Variants in PNPLA1 observed in about 807,000 individuals in gnomAD.
PNPLA1 encodes the protein patatin like domain 1, omega-hydroxyceramide transacylase, also known as omega-hydroxyceramide transacylase.
A neutral mutation model predicts 51.7 loss-of-function variants in PNPLA1; 36 were observed. The ratio of observed to expected loss-of-function variants is 0.70; its 90% CI spans 0.53 to 0.92. The LOEUF is 0.92. Ranked by LOEUF, PNPLA1 falls within the 40% of genes least tolerant of loss-of-function variation. PNPLA1 has a pLI of 0.00. For missense variants in PNPLA1, 658 were observed against 682.5 expected (o/e 0.96, Z 0.40); for synonymous variants, 293 against 280.1 (o/e 1.05, Z -0.46).
chr6:36,267,904 C>T (rs111993578), upstream of PNPLA1, among the ~76,000 whole-genome samples: 433 of 152,278 alleles, frequency 2.8e-3, no homozygotes, highest in African/African-American at 0.01. Context: ...CAGGAGGCAG[C>T]CCCACTCCTC....
chr6:36,283,432 CCT>C (rs1561860217), intron 1 of PNPLA1, among the ~76,000 whole-genome samples: 3 of 152,012 alleles, frequency 2.0e-5, no homozygotes, highest in African/African-American at 7.2e-5. Flanking sequence ...TTTTGGTTCC[CCT>C]GAGTTAGGAG....
intron 1 of PNPLA1, among the ~76,000 whole-genome samples, chr6:36,249,321 G>T (rs1769372921): frequency 6.6e-6 from 1 of 151,524 alleles, no homozygotes; most frequent in Non-Finnish European, 1.5e-5. Flanking sequence ...ATGAATAAAA[G>T]AGTTGGAACC....
chr6:36,291,305 C>T lies in PNPLA1; in HGVS notation c.206-15C>T. The T allele has an allele frequency of 1.2e-6, 2 of 1,610,772 alleles. No individual in the cohort carries two copies. The highest frequency in any genetic ancestry group is 1.7e-6 in the Non-Finnish European group (2 of 1,177,900). The stretch of plus-strand genomic sequence containing the variant: ...GGTGGCACCGACCACCCCCTCTTCT[C>T]TGCTTCCTTTGCAGATGAGTATCTC... On this transcript the variant is annotated splice_polypyrimidine_tract_variant and intron_variant, in intron 1 of 8. Coordinates refer to ENST00000636260, the MANE Select transcript of PNPLA1 (RefSeq NM_001374623.1).
intron 3 of PNPLA1, 64 bp downstream of exon 3, chr6:36,293,190 A>C (rs1254695108): frequency 2.7e-6 from 4 of 1,503,684 alleles, no homozygotes; most frequent in Non-Finnish European, 3.7e-6. Context: ...CCTGTGACTC[A>C]CACCTGGGGG....
At chr6:36,258,132 G>A (rs906870371) in intron 1 of PNPLA1, among the ~76,000 whole-genome samples, 3 of 152,166 alleles carry the variant, frequency 2.0e-5, no homozygotes, top group Non-Finnish European at 2.9e-5. Context: ...GCTGGGAGCT[G>A]AAATCTTAGT....
intron 1 of PNPLA1, among the ~76,000 whole-genome samples, chr6:36,277,260 G>A (rs934737099): frequency 2.0e-5 from 3 of 152,172 alleles, no homozygotes; most frequent in South Asian, 2.1e-4. Flanking sequence ...CCAGCTAGTC[G>A]GAAAGGGAAA....
At chr6:36,278,507 A>C (rs185207028) in intron 1 of PNPLA1, among the ~76,000 whole-genome samples, 2 of 152,290 alleles carry the variant, frequency 1.3e-5, no homozygotes, top group East Asian at 1.9e-4. Flanking sequence ...TTGGAGGCAG[A>C]CCTCACTTAA....
At chr6:36,269,524 G>A (rs184544490), upstream of PNPLA1, among the ~76,000 whole-genome samples, 40 of 152,252 alleles carry the variant, frequency 2.6e-4, 1 homozygote, top group East Asian at 5.4e-3. Flanking sequence ...ATTTCTGAGC[G>A]GGAAGAAGAA....
intron 1 of PNPLA1, among the ~76,000 whole-genome samples, chr6:36,280,313 A>G (rs1166643500): frequency 6.6e-6 from 1 of 152,266 alleles, no homozygotes; most frequent in East Asian, 1.9e-4. Context: ...TTTTGCAGGA[A>G]TTCTGTGTGG....
chr6:36,306,822 C>T (rs925929335), intron 7 of PNPLA1, among the ~76,000 whole-genome samples: 4 of 152,174 alleles, frequency 2.6e-5, no homozygotes, highest in African/African-American at 4.8e-5. Context: ...ATGATAATGA[C>T]CTGATAGTAC....
chr6:36,259,497 A>G (rs1769600178), intron 1 of PNPLA1, among the ~76,000 whole-genome samples: 1 of 152,152 alleles, frequency 6.6e-6, no homozygotes, highest in Non-Finnish European at 1.5e-5. Context: ...TTCACTGTAC[A>G]GTCCCTCTCC....
In PNPLA1 at chr6:36,294,454, G is replaced by T; in HGVS notation, c.714+55G>T. 2 of 1,535,356 alleles carry T rather than the reference G, an allele frequency of 1.3e-6. No homozygotes were observed. Among genetic ancestry groups the T allele is most frequent in the Non-Finnish European group, 1.8e-6 (2 of 1,117,228 alleles). ...CAGAAGGTACCAGGGACTAGGGGTG[G>T]GGTTAGAGAGCCACTGGGGCCCACT... On this transcript the variant is annotated intron_variant, in intron 4 of 8. Transcript: ENST00000636260. This position sits in a 1 kb window ranked among gnomAD's most constrained non-coding sequence, Gnocchi z 4.2.
chr6:36,299,901 G>T (rs1770978201), intron 5 of PNPLA1, among the ~76,000 whole-genome samples: 1 of 151,976 alleles, frequency 6.6e-6, no homozygotes, highest in African/African-American at 2.4e-5. Context: ...AAATAATACA[G>T]GGTGTTTGTC....
At chr6:36,282,257 A>AGAAAGAAG (rs1770341602) in intron 1 of PNPLA1, among the ~76,000 whole-genome samples, 7 of 136,590 alleles carry the variant, frequency 5.1e-5, no homozygotes, top group Admixed American at 2.9e-4. Flanking sequence ...AAGGAAAGAA[A>AGAAAGAAG]GAAAGAAAGA....
chr6:36,251,144 T>A (rs904792714), intron 1 of PNPLA1, among the ~76,000 whole-genome samples: 10 of 152,024 alleles, frequency 6.6e-5, no homozygotes, highest in Admixed American at 2.0e-4. Flanking sequence ...CCCCACCCCC[T>A]CACTTCATTC....
chr6:36,262,351 G>A (rs113445290), intron 1 of PNPLA1, among the ~76,000 whole-genome samples: 5,640 of 152,208 alleles, frequency 0.037, 295 homozygotes, highest in African/African-American at 0.12. Flanking sequence ...ACGGGGCTAC[G>A]CAGCACGTGT....
At chr6:36,281,419 T>A (rs553443557) in intron 1 of PNPLA1, among the ~76,000 whole-genome samples, 1 of 152,318 alleles carries the variant, frequency 6.6e-6, no homozygotes, top group South Asian at 2.1e-4. Context: ...ATAACAGCTA[T>A]TTACCAAGCA....
At chr6:36,305,615 CTCTGT>C (rs1771205780) in intron 6 of PNPLA1, among the ~76,000 whole-genome samples, 2 of 152,086 alleles carry the variant, frequency 1.3e-5, no homozygotes, top group East Asian at 3.9e-4. Flanking sequence ...ACTATTAATA[CTCTGT>C]TCTAAGAAAC....
rs73729913 is a variant in PNPLA1 at position 36,280,459 on chromosome 6, G to A, written c.205+9795G>A. Reference sequence around the variant, plus strand: ...TATCAATTCAAGCTCTAAACCATATGCAATACAGATTTGGGTCTTTCATTT... The same window carrying A: ...TATCAATTCAAGCTCTAAACCATATACAATACAGATTTGGGTCTTTCATTT... On this transcript the variant is annotated intron_variant, in intron 1 of 8. Coordinates refer to ENST00000636260, the MANE Select transcript of PNPLA1 (RefSeq NM_001374623.1). Among the ~76,000 whole-genome samples, 1,203 of 152,278 alleles carry A rather than the reference G, an allele frequency of 7.9e-3. 8 individuals are homozygous for A. The highest frequency in any genetic ancestry group is 0.027 in the African/African-American group (1,134 of 41,550).
Sources: allele counts gnomAD v4.1 joint callset (sites outside exome capture counted in the v4.1 genomes callset), GRCh38; gene constraint gnomAD v4.1.1; non-coding constraint Gnocchi (gnomAD v3.1); transcripts MANE v1.5; gene names NCBI Gene and HGNC (gene_info 2026-07-23, HGNC 2026-07-21).